CRPPA: variants seen among roughly 807,000 people sequenced by gnomAD.
CRPPA encodes CDP-L-ribitol pyrophosphorylase A.
A neutral mutation model predicts 52.0 loss-of-function variants in CRPPA; 43 were observed. The ratio of observed to expected loss-of-function variants is 0.83; its 90% CI spans 0.65 to 1.07. The LOEUF (loss-of-function observed/expected upper bound fraction) is 1.07. Ranked by LOEUF, CRPPA falls within the 50% of genes least tolerant of loss-of-function variation. The probability of loss-of-function intolerance (pLI) is 0.00; values close to 1 mark genes in which losing one functional copy is unlikely to be tolerated. For missense variants in CRPPA, 629 were observed against 551.7 expected, an observed-to-expected ratio of 1.14 and a Z score of -1.40; for synonymous variants, 250 against 203.5, an observed-to-expected ratio of 1.23 and a Z score of -1.94.
intron 3 of CRPPA, among the ~76,000 whole-genome samples, chr7:16,326,554 C>G (rs1785395387): frequency 6.6e-6 from 1 of 152,124 alleles, no homozygotes; most frequent in South Asian, 2.1e-4. Context: ...GGGACCACAA[C>G]AAAAACTGAA....
intron 3 of CRPPA, among the ~76,000 whole-genome samples, chr7:16,316,540 G>C (rs1388260656): frequency 6.6e-6 from 1 of 151,936 alleles, no homozygotes; most frequent in Non-Finnish European, 1.5e-5. Flanking sequence ...TCATGTTCTG[G>C]TGGTATTTAA....
rs543956400 is a variant in CRPPA, at chr7:16,173,097, C to T, written c.1251+42969G>A. 1.4e-4 allele frequency among the ~76,000 whole-genome samples: 21 copies of T among 152,256 alleles called. No individual in the cohort carries two copies. The East Asian group carries it at 3.5e-3, about 25-fold the overall frequency. Reference sequence around the variant, plus strand: ...GACCTGCTCCAGTGATTATCAAGGTCGTTTCATGTAAGCATTATCTGAGAA... The same window carrying T: ...GACCTGCTCCAGTGATTATCAAGGTTGTTTCATGTAAGCATTATCTGAGAA... On this transcript the variant is annotated intron_variant, in intron 9 of 9. Transcript: ENST00000407010.
chr7:16,124,320 T>C (rs1163818361), intron 9 of CRPPA, among the ~76,000 whole-genome samples: 1 of 152,062 alleles, frequency 6.6e-6, no homozygotes, highest in African/African-American at 2.4e-5. Context: ...ATGTAATTTG[T>C]TGGCCATTTG....
At chr7:16,286,811 A>G (rs1784461370) in intron 5 of CRPPA, among the ~76,000 whole-genome samples, 1 of 152,176 alleles carries the variant, frequency 6.6e-6, no homozygotes, top group Non-Finnish European at 1.5e-5. Flanking sequence ...CCTTCTACTC[A>G]GGTAGAAATC....
intron 2 of CRPPA, among the ~76,000 whole-genome samples, chr7:16,398,457 C>T (rs1447067034): frequency 6.6e-6 from 1 of 151,844 alleles, no homozygotes; most frequent in Non-Finnish European, 1.5e-5. Context: ...ACACGTGACT[C>T]ACGTGTGCGA....
intron 9 of CRPPA, among the ~76,000 whole-genome samples, chr7:16,205,457 C>A (rs1781954510): frequency 6.6e-6 from 1 of 152,136 alleles, no homozygotes; most frequent in African/African-American, 2.4e-5. Context: ...CCCCCCACAC[C>A]AGTTGTGTTT....
In CRPPA at chr7:16,338,883, T is replaced by C. The variant is rs562631201; in HGVS notation, c.685-30256A>G. Among the ~76,000 whole-genome samples the C allele has an allele frequency of 3.8e-4, 57 of 149,524 alleles. 1 individual carries two copies. The highest frequency in any genetic ancestry group is 1.3e-3 in the African/African-American group (54 of 40,452). On this transcript the variant is annotated intron_variant, in intron 3 of 9. Coordinates refer to ENST00000407010, the MANE Select transcript of CRPPA (RefSeq NM_001101426.4). ...CAGGCTGGAGTGCAGTGGCATGATC[T>C]CGGCTCACTGCAAGCTCTGCCTCAC... is the stretch of plus-strand genomic sequence containing the variant.
intron 9 of CRPPA, among the ~76,000 whole-genome samples, chr7:16,215,508 T>C (rs1020985173): frequency 6.6e-6 from 1 of 152,260 alleles, no homozygotes. Flanking sequence ...TGACAATGAA[T>C]GCATTTCTTT....
At chr7:16,189,403 C>A (rs138515290) in intron 9 of CRPPA, among the ~76,000 whole-genome samples, 1 of 152,108 alleles carries the variant, frequency 6.6e-6, no homozygotes, top group Non-Finnish European at 1.5e-5. Flanking sequence ...ACGGTGATTT[C>A]TACCCAGATG....
intron 9 of CRPPA, among the ~76,000 whole-genome samples, chr7:16,100,381 C>T (rs547274158): frequency 2.4e-4 from 36 of 152,194 alleles, no homozygotes; most frequent in African/African-American, 7.9e-4. Flanking sequence ...TCAGCTAAAT[C>T]GTAAGATACT....
chr7:16,345,056 A>AT (rs1185759561), intron 3 of CRPPA, among the ~76,000 whole-genome samples: 3 of 152,184 alleles, frequency 2.0e-5, no homozygotes, highest in Non-Finnish European at 2.9e-5. Context: ...AAATGCATAA[A>AT]AATCAAACCA....
chr7:16,376,284 A>T, intron 2 of CRPPA, 43 bp from the exon 3 acceptor site: 2 of 1,544,662 alleles, frequency 1.3e-6, no homozygotes, highest in Non-Finnish European at 1.7e-6. Context: ...CCTACAAGCC[A>T]TTTTAAAGTG....
chr7:16,100,799 A>G (rs560944567), intron 9 of CRPPA, among the ~76,000 whole-genome samples: 1 of 152,280 alleles, frequency 6.6e-6, no homozygotes, highest in Admixed American at 6.5e-5. Context: ...TGTCATACGT[A>G]GCTCTTATTA....
At chr7:16,105,882 C>G (rs144657072) in intron 9 of CRPPA, among the ~76,000 whole-genome samples, 1 of 152,196 alleles carries the variant, frequency 6.6e-6, no homozygotes, top group Non-Finnish European at 1.5e-5. Flanking sequence ...AAAGTCCTAC[C>G]CAATGACCCC....
intron 8 of CRPPA, among the ~76,000 whole-genome samples, chr7:16,250,313 CAGG>C (rs1179008049): frequency 6.6e-6 from 1 of 152,174 alleles, no homozygotes; most frequent in African/African-American, 2.4e-5. Flanking sequence ...GGATATTAAT[CAGG>C]AGAATTTCTG....
intron 3 of CRPPA, among the ~76,000 whole-genome samples, chr7:16,340,946 C>A (rs1785810120): frequency 6.6e-6 from 1 of 152,018 alleles, no homozygotes; most frequent in South Asian, 2.1e-4. Flanking sequence ...TCAAGCCATG[C>A]AAAAACATGG....
chr7:16,266,056 A>G (rs1270759622), intron 6 of CRPPA, among the ~76,000 whole-genome samples: 1 of 152,220 alleles, frequency 6.6e-6, no homozygotes, highest in East Asian at 1.9e-4. Context: ...TACATGTCCC[A>G]AAGTCAACTC....
At chr7:16,194,168 G>A (rs1383072828) in intron 9 of CRPPA, among the ~76,000 whole-genome samples, 1 of 152,114 alleles carries the variant, frequency 6.6e-6, no homozygotes, top group East Asian at 1.9e-4. Context: ...AGTCCCGGAG[G>A]AAACCTAATC....
chr7:16,313,613 G>A (rs75554394), intron 3 of CRPPA, among the ~76,000 whole-genome samples: 4,786 of 151,948 alleles, frequency 0.031, 250 homozygotes, highest in African/African-American at 0.11. Context: ...TAAAATGGAA[G>A]CCTACATGAC....
Sources: allele counts gnomAD v4.1 joint callset (sites outside exome capture counted in the v4.1 genomes callset), GRCh38; gene constraint gnomAD v4.1.1; transcripts MANE v1.5; gene names NCBI Gene and HGNC (gene_info 2026-07-23, HGNC 2026-07-21).